The following ABHD2 variants were observed in gnomAD, a reference collection of about 807,000 sequenced individuals.
The protein encoded by ABHD2 is abhydrolase domain containing 2, acylglycerol lipase, also known as monoacylglycerol lipase ABHD2.
Under a neutral mutation model 48.1 loss-of-function variants are expected in ABHD2, and 20 were observed. That is an observed-to-expected ratio of 0.42 (90% CI 0.29 to 0.60). The LOEUF is 0.60. Ranked by LOEUF, ABHD2 falls within the 20% of genes least tolerant of loss-of-function variation. The pLI, the probability that ABHD2 is intolerant of heterozygous loss-of-function variation, is 0.24. For missense variants in ABHD2, 405 were observed against 550.9 expected, an observed-to-expected ratio of 0.74 and a Z score of 2.65; for synonymous variants, 209 against 214.2, an observed-to-expected ratio of 0.98 and a Z score of 0.21.
chr15:89,048,942 T>C, the ABHD2 span, among the ~76,000 whole-genome samples: 1 of 148,122 alleles, frequency 6.8e-6, no homozygotes, highest in African/African-American at 2.6e-5. Flanking sequence ...CTGCGTTCCT[T>C]TGGAGGAGGT....
chr15:89,093,261 ACCTCTGCTTCGCGG>A (rs1901672233), intron 1 of ABHD2, among the ~76,000 whole-genome samples: 1 of 141,936 alleles, frequency 7.0e-6, no homozygotes, highest in African/African-American at 2.6e-5. Context: ...GCTCGCTGCA[ACCTCTGCTTCGCGG>A]GTTCAAACGA....
the ABHD2 span, among the ~76,000 whole-genome samples, chr15:89,049,878 C>G: frequency 6.6e-6 from 1 of 152,204 alleles, no homozygotes; most frequent in Non-Finnish European, 1.5e-5. Flanking sequence ...GAGCTGTAGA[C>G]TGGAGCTGTT....
intron 5 of ABHD2, among the ~76,000 whole-genome samples, chr15:89,160,675 G>C (rs1191720094): frequency 6.6e-6 from 1 of 152,144 alleles, no homozygotes; most frequent in Non-Finnish European, 1.5e-5. Flanking sequence ...AGGGGCCTCT[G>C]TGTCTCCATC....
At chr15:89,124,155 G>A (rs1462973972) in intron 3 of ABHD2, among the ~76,000 whole-genome samples, 1 of 152,142 alleles carries the variant, frequency 6.6e-6, no homozygotes, top group East Asian at 1.9e-4. Context: ...CTACAGAAAA[G>A]CACTCATTCA....
At chr15:89,044,661 T>C in the ABHD2 span, among the ~76,000 whole-genome samples, 1 of 151,830 alleles carries the variant, frequency 6.6e-6, no homozygotes, top group South Asian at 2.1e-4. Context: ...CCAGTGATGG[T>C]GAGCATTTTT....
In ABHD2 at chr15:89,201,181, T is replaced by C; in HGVS notation, c.*5758T>C. On this transcript the variant is annotated 3_prime_UTR_variant, in exon 11 of 11. Transcript: ENST00000352732. ...CTCTGAAGGATGCAGTTGAGGTTGA[T>C]CCAGGTTTATCCGAATATGCTACCT... is the stretch of plus-strand genomic sequence containing the variant. 1 of 1,473,862 alleles carries C rather than the reference T, an allele frequency of 6.8e-7. No homozygotes were observed. 91.3% of individuals were successfully genotyped at this position (1,473,862 alleles called of 1,614,324 possible). A position where few individuals can be genotyped will look rare whatever the true frequency, so the allele number is the denominator to read the frequency against.
At chr15:89,072,202 G>A in the ABHD2 span, among the ~76,000 whole-genome samples, 1 of 152,124 alleles carries the variant, frequency 6.6e-6, no homozygotes, top group Non-Finnish European at 1.5e-5. Context: ...TGGGCCAGGT[G>A]CAGTGGCTCA....
rs752843590 is a variant in ABHD2 at position 89,188,168 on chromosome 15, CTGTT to C, written c.816-22_816-19del. ...TTGTTCATCCTCCACATCTTAATCT[CTGTT>C]TGCTTTTGTGTTTGCTCTAGGCAAG... On this transcript the variant is annotated intron_variant, in intron 7 of 10. Coordinates refer to ENST00000352732, the MANE Select transcript of ABHD2 (RefSeq NM_152924.5). This position sits in a 1 kb window ranked among gnomAD's most constrained non-coding sequence, Gnocchi z 4.1. 6 of 1,600,582 alleles carry C rather than the reference CTGTT, an allele frequency of 3.7e-6. No individual in the cohort carries two copies. The African/African-American group carries it at 8.0e-5, about 21-fold the overall frequency.
intron 7 of ABHD2, among the ~76,000 whole-genome samples, chr15:89,187,844 G>C (rs1223421885): frequency 6.6e-6 from 1 of 152,212 alleles, no homozygotes; most frequent in Non-Finnish European, 1.5e-5. Context: ...TCTGCCAAGG[G>C]GGACATTGTC....
chr15:89,057,589 G>A, the ABHD2 span, among the ~76,000 whole-genome samples: 1 of 152,150 alleles, frequency 6.6e-6, no homozygotes, highest in Admixed American at 6.5e-5. Context: ...CCATGGTCGT[G>A]GAATCACGGT....
chr15:89,188,097 C>A lies in ABHD2; in HGVS notation c.816-96C>A. ...TTCTATTTCTAACTGACCACGTTGGCTCTCCCTCCTGGCTTGCTGTGGCAA... is the reference window on the plus strand; with the variant it reads ...TTCTATTTCTAACTGACCACGTTGGATCTCCCTCCTGGCTTGCTGTGGCAA... On this transcript the variant is annotated intron_variant, in intron 7 of 10. Transcript: ENST00000352732. This position sits in a 1 kb window ranked among gnomAD's most constrained non-coding sequence, Gnocchi z 4.1. 1.0e-6 allele frequency: 1 copy of A among 991,368 alleles called. No individual in the cohort carries two copies. The highest frequency in any genetic ancestry group is 1.9e-5 in the Admixed American group (1 of 51,782). The allele number at this position is 991,368 out of a possible 1,614,324, so 61.4% of individuals were successfully genotyped here. A position where few individuals can be genotyped will look rare whatever the true frequency, so the allele number is the denominator to read the frequency against.
Position 89,151,905 on chromosome 15 carries a change from G to T in ABHD2, c.370+53G>T. ...GCCATCACTCAGAGAAGGAGCACTA[G>T]TCAGTGGAGAGCACAGCAGTGTGAA... On this transcript the variant is annotated intron_variant, in intron 4 of 10. Coordinates refer to ENST00000352732, the MANE Select transcript of ABHD2 (RefSeq NM_152924.5). The surrounding 1 kb of genome is among the most constrained non-coding windows in gnomAD (Gnocchi z 4.7). 6.3e-7 allele frequency: 1 copy of T among 1,590,336 alleles called. No homozygotes were observed. Among genetic ancestry groups the T allele is most frequent in the Non-Finnish European group, 8.6e-7 (1 of 1,166,876 alleles).
intron 5 of ABHD2, among the ~76,000 whole-genome samples, chr15:89,169,057 T>C (rs1459793560): frequency 1.3e-5 from 2 of 152,094 alleles, no homozygotes; most frequent in Non-Finnish European, 2.9e-5. Context: ...CATGCCACTG[T>C]ACTCCAGCCT....
intron 3 of ABHD2, among the ~76,000 whole-genome samples, chr15:89,138,291 C>T (rs1323575872): frequency 6.6e-6 from 1 of 152,230 alleles, no homozygotes; most frequent in Admixed American, 6.5e-5. Flanking sequence ...CGTGGAGCTG[C>T]CACAAAGCTT....
At chr15:89,084,173 A>C (rs1367984071), upstream of ABHD2, among the ~76,000 whole-genome samples, 3 of 151,354 alleles carry the variant, frequency 2.0e-5, no homozygotes, top group Non-Finnish European at 4.4e-5. The surrounding 1 kb of genome is among the most constrained non-coding windows in gnomAD (Gnocchi z 4.4). Flanking sequence ...TCGAAAGGAA[A>C]AGTTTCTCGC....
At chr15:89,086,180 A>G (rs1901340471), upstream of ABHD2, among the ~76,000 whole-genome samples, 1 of 151,924 alleles carries the variant, frequency 6.6e-6, no homozygotes, top group South Asian at 2.1e-4. Flanking sequence ...GGTGTGTGCC[A>G]CCATGCCCAG....
rs113179066 is a variant in ABHD2, at chr15:89,195,273, C to T, written c.1128C>T (p.His376=). 4.9e-5 allele frequency: 79 copies of T among 1,614,210 alleles called. 1 individual carries two copies. The African/African-American group carries it at 7.3e-4, about 15-fold the overall frequency. The change falls in exon 11 of 11, where the codon CAC becomes CAT. Residue 376 remains histidine (H), a synonymous_variant. Transcript: ENST00000352732. The surrounding 1 kb of genome is among the most constrained non-coding windows in gnomAD (Gnocchi z 5.1). ...TTGTGCTGCCTCTGCATGGGGGCCACTTGGGCTTCTTTGAGGGCTCTGTGC... is the reference window on the plus strand; with the variant it reads ...TTGTGCTGCCTCTGCATGGGGGCCATTTGGGCTTCTTTGAGGGCTCTGTGC... The part of the protein sequence containing the change: ...VMFVLPLHGG[H]LGFFEGSVLF...
chr15:89,136,638 G>A (rs58727019), intron 3 of ABHD2: 3,685 of 175,276 alleles, frequency 0.021, 141 homozygotes, highest in African/African-American at 0.079. Context: ...CACTCTCTCC[G>A]CTCTATAACA....
At chr15:89,121,248 T>G (rs2050045926) in intron 3 of ABHD2, among the ~76,000 whole-genome samples, 1 of 152,182 alleles carries the variant, frequency 6.6e-6, no homozygotes, top group Admixed American at 6.5e-5. Context: ...GAAATAGGTG[T>G]GTCTCCCATG....
Sources: allele counts gnomAD v4.1 joint callset (sites outside exome capture counted in the v4.1 genomes callset), GRCh38; gene constraint gnomAD v4.1.1; non-coding constraint Gnocchi (gnomAD v3.1); transcripts MANE v1.5; gene names NCBI Gene and HGNC (gene_info 2026-07-23, HGNC 2026-07-21).